DHX29: variants seen among roughly 807,000 people sequenced by gnomAD.
The protein encoded by DHX29 is DExH-box helicase 29.
Under a neutral mutation model 167.9 loss-of-function variants are expected in DHX29, and 79 were observed. The ratio of observed to expected loss-of-function variants is 0.47; its 90% CI spans 0.39 to 0.57. DHX29 has a LOEUF of 0.57. Among genes scored for constraint, DHX29 ranks in the 20% least tolerant of loss-of-function variants. DHX29 has a pLI of 0.00. For missense variants in DHX29, 1,347 were observed against 1,593.4 expected, an observed-to-expected ratio of 0.85 and a Z score of 2.63; for synonymous variants, 530 against 546.0, an observed-to-expected ratio of 0.97 and a Z score of 0.41.
chr5:55,293,148 A>G (rs1204073494), intron 6 of DHX29, among the ~76,000 whole-genome samples: 1 of 152,258 alleles, frequency 6.6e-6, no homozygotes, highest in Non-Finnish European at 1.5e-5. Context: ...ATCAGATTAC[A>G]CATGCTGTTC....
intron 12 of DHX29, 27 bp from the exon 13 acceptor site, chr5:55,277,309 T>C: frequency 6.7e-7 from 1 of 1,500,064 alleles, no homozygotes; most frequent in Non-Finnish European, 9.1e-7. Flanking sequence ...AATAAAAAAG[T>C]TCATCATATA....
chr5:55,307,417 C>T lies in DHX29; in HGVS notation c.157G>A (p.Ala53Thr), dbSNP rs975047309. ...TTGACACGGGGCTCCCTGGAGCCGG[C>T]AGCGGCAGCGGCAGCGGTGGCCGGC... Reference protein sequence around the residue: ...SRPATAAAAAAGSREPRVKQG... With the variant: ...SRPATAAAAATGSREPRVKQG... The change falls in exon 1 of 27, where the codon GCC (alanine) becomes ACC (threonine). Residue 53 changes from alanine (A) to threonine (T), a missense_variant. By Grantham distance (58) the Ala-to-Thr change is moderately conservative (BLOSUM62 0). Around this residue, in one of 3 missense-constraint regions of DHX29, gnomAD observed 405 missense variants for 416.8 expected, o/e 0.97. Coordinates refer to ENST00000251636, the MANE Select transcript of DHX29 (RefSeq NM_019030.4). 6.2e-7 allele frequency: 1 copy of T among 1,611,624 alleles called. No individual in the cohort carries two copies. The highest frequency in any genetic ancestry group is 1.1e-5 in the South Asian group (1 of 91,048).
rs1191158774 is a variant in DHX29 at position 55,290,999 on chromosome 5, A to G, written c.781-655T>C. On this transcript the variant is annotated intron_variant, in intron 6 of 26. Coordinates refer to ENST00000251636, the MANE Select transcript of DHX29 (RefSeq NM_019030.4). ...CACTGCACTCCAGCCTGGGTGACAA[A>G]GCAAGACTCTGTCTCAAAAAAAAAT... Among the ~76,000 whole-genome samples the G allele has an allele frequency of 3.9e-5, 6 of 152,300 alleles. No individual in the cohort carries two copies. The East Asian group carries it at 5.8e-4, about 15-fold the overall frequency.
In DHX29 at chr5:55,294,446, G is replaced by A. The variant is rs144954707; in HGVS notation, c.652-301C>T. Among the ~76,000 whole-genome samples the A allele has an allele frequency of 1.4e-3, 207 of 152,316 alleles. 2 individuals are homozygous for A. The Middle Eastern group carries it at 0.024, about 18-fold the overall frequency. Reference sequence around the variant, plus strand: ...TCCCAGCACTTCGGGAGGCCAAAGCGGGCGGATCACAAGGTCAGGAGATAG... The same window carrying A: ...TCCCAGCACTTCGGGAGGCCAAAGCAGGCGGATCACAAGGTCAGGAGATAG... On this transcript the variant is annotated intron_variant, in intron 5 of 26. Coordinates refer to ENST00000251636, the MANE Select transcript of DHX29 (RefSeq NM_019030.4).
At chr5:55,296,613 C>T (rs1436660954) in intron 3 of DHX29, among the ~76,000 whole-genome samples, 1 of 152,078 alleles carries the variant, frequency 6.6e-6, no homozygotes, top group East Asian at 1.9e-4. Context: ...AGTCATTTTT[C>T]CATAATTTTG....
At chr5:55,270,330 T>C (rs1043533341) in intron 20 of DHX29, 82 bp downstream of exon 20, 7 of 1,418,498 alleles carry the variant, frequency 4.9e-6, no homozygotes, top group Admixed American at 2.7e-5. Flanking sequence ...TAAAGCAATA[T>C]AAGGTAAGTT....
In DHX29 at chr5:55,266,392, C is replaced by G. The variant is rs536871117; in HGVS notation, c.3525+746G>C. On this transcript the variant is annotated intron_variant, in intron 23 of 26. Transcript: ENST00000251636. ...TGGCGTGATCTTGGCTCACCACAACCTCCATCTCCTCGGTTCAAGTGATTC... is the reference window on the plus strand; with the variant it reads ...TGGCGTGATCTTGGCTCACCACAACGTCCATCTCCTCGGTTCAAGTGATTC... Among the ~76,000 whole-genome samples the G allele has an allele frequency of 5.5e-4, 83 of 151,010 alleles. 1 individual carries two copies. The highest frequency in any genetic ancestry group is 1.2e-3 in the Non-Finnish European group (78 of 67,776).
At chr5:55,305,976 G>T (rs1194077483) in intron 1 of DHX29, among the ~76,000 whole-genome samples, 1 of 152,096 alleles carries the variant, frequency 6.6e-6, no homozygotes, top group Non-Finnish European at 1.5e-5. Flanking sequence ...GTTTGGGGCT[G>T]GAGGAAAGGG....
At chr5:55,303,774 C>G (rs941516622) in intron 1 of DHX29, among the ~76,000 whole-genome samples, 20 of 152,146 alleles carry the variant, frequency 1.3e-4, no homozygotes, top group African/African-American at 4.6e-4. Flanking sequence ...TAAATGTTTT[C>G]TAAGGGAAGC....
At chr5:55,262,496 G>T in intron 24 of DHX29, 134 bp downstream of exon 24, 1 of 1,165,428 alleles carries the variant, frequency 8.6e-7, no homozygotes. Context: ...TGTGCATCTT[G>T]ATTTCAAATA....
chr5:55,291,959 T>C (rs1013394560), intron 6 of DHX29, among the ~76,000 whole-genome samples: 1 of 152,198 alleles, frequency 6.6e-6, no homozygotes, highest in Admixed American at 6.5e-5. Flanking sequence ...GTTTTAGCTA[T>C]TGTGAATAAT....
chr5:55,269,029 T>C (rs1746717878), intron 21 of DHX29, among the ~76,000 whole-genome samples: 1 of 151,816 alleles, frequency 6.6e-6, no homozygotes, highest in African/African-American at 2.4e-5. Context: ...AGTTAAATAT[T>C]ATATTAAAAA....
intron 16 of DHX29, among the ~76,000 whole-genome samples, chr5:55,273,981 G>A (rs995139260): frequency 1.3e-5 from 2 of 151,720 alleles, no homozygotes; most frequent in Non-Finnish European, 1.5e-5. Context: ...CAGCTACTTG[G>A]GGAGGTTGAG....
chr5:55,292,338 C>T (rs897836254), intron 6 of DHX29, among the ~76,000 whole-genome samples: 3 of 152,136 alleles, frequency 2.0e-5, no homozygotes, highest in Admixed American at 6.5e-5. Flanking sequence ...AGAAATCTTC[C>T]TTAGCCTTTA....
chr5:55,269,363 C>T, intron 21 of DHX29, 50 bp downstream of exon 21: 1 of 1,562,274 alleles, frequency 6.4e-7, no homozygotes. Flanking sequence ...TTGTAATTTC[C>T]TGGTCAAAGG....
intron 2 of DHX29, among the ~76,000 whole-genome samples, chr5:55,298,247 T>C (rs538712090): frequency 6.6e-6 from 1 of 152,226 alleles, no homozygotes; most frequent in South Asian, 2.1e-4. Flanking sequence ...AAATCACGGA[T>C]TTAGAAGAAC....
Position 55,296,308 on chromosome 5 carries a change from C to T in DHX29, c.417G>A (p.Lys139=). Residue 139 remains lysine (K), a synonymous_variant, in exon 4 of 27, where the codon AAG becomes AAA. Coordinates refer to ENST00000251636, the MANE Select transcript of DHX29 (RefSeq NM_019030.4). ...MALQAFSFKT[K]DIEDAMTNTL... Reference sequence around the variant, plus strand: ...TATTGGTCATGGCATCTTCAATGTCCTTTGTCTTAAATGAAAATGCTTGTA... The same window carrying T: ...TATTGGTCATGGCATCTTCAATGTCTTTTGTCTTAAATGAAAATGCTTGTA... The T allele has an allele frequency of 1.2e-6, 2 of 1,613,372 alleles. No homozygotes were observed. Among genetic ancestry groups the T allele is most frequent in the Non-Finnish European group, 1.7e-6 (2 of 1,179,618 alleles).
At chr5:55,277,776 T>C (rs1395764305) in intron 12 of DHX29, among the ~76,000 whole-genome samples, 1 of 151,712 alleles carries the variant, frequency 6.6e-6, no homozygotes, top group Non-Finnish European at 1.5e-5. Flanking sequence ...TATGGTGGTG[T>C]GCACCTGTAA....
intron 17 of DHX29, 152 bp downstream of exon 17, chr5:55,273,141 T>C (rs1456795677): frequency 2.9e-6 from 2 of 684,430 alleles, no homozygotes; most frequent in Non-Finnish European, 4.3e-6. Flanking sequence ...TTGGGTTCAC[T>C]TCTGATGATG....
Sources: allele counts gnomAD v4.1 joint callset (sites outside exome capture counted in the v4.1 genomes callset), GRCh38; gene constraint gnomAD v4.1.1; regional missense constraint gnomAD v4.1.1; transcripts MANE v1.5; gene names NCBI Gene and HGNC (gene_info 2026-07-23, HGNC 2026-07-21).